The following CEP70 variants were observed in gnomAD, a reference collection of about 807,000 sequenced individuals.
CEP70 encodes the protein centrosomal protein of 70 kDa.
Under a neutral mutation model 90.9 loss-of-function variants are expected in CEP70, and 70 were observed. The observed-to-expected ratio is 0.77, with a 90% CI of 0.64 to 0.94. The LOEUF (loss-of-function observed/expected upper bound fraction) is 0.94. Ranked by LOEUF, CEP70 falls within the 40% of genes least tolerant of loss-of-function variation. The probability of loss-of-function intolerance (pLI) is 0.00; values close to 1 mark genes in which losing one functional copy is unlikely to be tolerated. For synonymous variants in CEP70, 220 were observed against 228.3 expected (o/e 0.96, Z 0.33); for missense variants, 648 against 669.0 (o/e 0.97, Z 0.35).
At chr3:138,531,339 A>C (rs1353125177) in intron 8 of CEP70, among the ~76,000 whole-genome samples, 2 of 152,062 alleles carry the variant, frequency 1.3e-5, no homozygotes, top group Non-Finnish European at 2.9e-5. Flanking sequence ...TGTTATGTTA[A>C]ATCTTTTCTA....
intron 2 of CEP70, among the ~76,000 whole-genome samples, chr3:138,577,023 G>C (rs2041573625): frequency 6.8e-6 from 1 of 148,054 alleles, no homozygotes; most frequent in African/African-American, 2.5e-5. Context: ...CCATTAAAAA[G>C]AATGAGTTCA....
chr3:138,572,082 G>A (rs1033665923), intron 3 of CEP70, among the ~76,000 whole-genome samples: 10 of 151,918 alleles, frequency 6.6e-5, no homozygotes, highest in Non-Finnish European at 1.5e-4. Flanking sequence ...CAGCCCCTAA[G>A]TATCACTTTC....
At chr3:138,581,451 C>T (rs1218501619) in intron 2 of CEP70, among the ~76,000 whole-genome samples, 2 of 151,802 alleles carry the variant, frequency 1.3e-5, no homozygotes, top group African/African-American at 4.8e-5. Context: ...TGCCTGTAAT[C>T]TCAGCACTTT....
At chr3:138,577,965 T>TC (rs1241597723) in intron 2 of CEP70, among the ~76,000 whole-genome samples, 6 of 152,220 alleles carry the variant, frequency 3.9e-5, no homozygotes, top group African/African-American at 1.4e-4. Flanking sequence ...CCTAGTTTTT[T>TC]CATCTCTGCA....
intron 6 of CEP70, among the ~76,000 whole-genome samples, chr3:138,563,176 C>A (rs1388778810): frequency 6.6e-6 from 1 of 152,152 alleles, no homozygotes; most frequent in African/African-American, 2.4e-5. Context: ...GCACCCAATA[C>A]AGGAGCACCC....
At chr3:138,580,439 A>G (rs373683234) in intron 2 of CEP70, among the ~76,000 whole-genome samples, 1 of 152,206 alleles carries the variant, frequency 6.6e-6, no homozygotes, top group Non-Finnish European at 1.5e-5. Flanking sequence ...TAAGTCTGCA[A>G]AAACCACAGC....
chr3:138,578,990 A>G (rs2041701886), intron 2 of CEP70, among the ~76,000 whole-genome samples: 1 of 152,218 alleles, frequency 6.6e-6, no homozygotes, highest in Admixed American at 6.5e-5. Context: ...TAGGAAAGAC[A>G]TTTATAAATT....
In CEP70 at chr3:138,570,351, T is replaced by G; in HGVS notation, c.432A>C (p.Ile144=). Residue 144 remains isoleucine, a synonymous_variant, in exon 6 of 18, where the codon ATA becomes ATC. Coordinates refer to ENST00000264982, the MANE Select transcript of CEP70 (RefSeq NM_024491.4). ...LSRACHQQNK[I]KDLQKEQKTL... ...TTTTCTGCTCCTTTTGAAGATCTTT[T>G]ATTTTATTCTGTTGGTGGCAAGCCC... The G allele has an allele frequency of 6.3e-7, 1 of 1,587,290 alleles. No homozygotes were observed.
At chr3:138,499,063 A>G (rs1371875550) in intron 16 of CEP70, among the ~76,000 whole-genome samples, 1 of 152,076 alleles carries the variant, frequency 6.6e-6, no homozygotes, top group Non-Finnish European at 1.5e-5. Flanking sequence ...AAAGAAAAGA[A>G]AAAAAGAAAA....
At chr3:138,540,459 G>A (rs1311699240) in intron 6 of CEP70, among the ~76,000 whole-genome samples, 15 of 148,222 alleles carry the variant, frequency 1.0e-4, no homozygotes, top group Non-Finnish European at 1.8e-4. Context: ...ACTCCAGCCT[G>A]GGCAACAGAG....
chr3:138,511,413 A>C (rs1459442977), intron 11 of CEP70, among the ~76,000 whole-genome samples: 1 of 152,240 alleles, frequency 6.6e-6, no homozygotes, highest in Admixed American at 6.5e-5. Context: ...GGACACAGAA[A>C]AGCTGATATG....
At chr3:138,495,125 G>T in intron 17 of CEP70, 49 bp from the exon 18 acceptor site, 1 of 1,120,910 alleles carries the variant, frequency 8.9e-7, no homozygotes, top group South Asian at 1.3e-5. Flanking sequence ...TTTTCTAGTG[G>T]TAAACTCACA....
chr3:138,504,475 T>C (rs2034801078), intron 13 of CEP70, among the ~76,000 whole-genome samples: 1 of 152,190 alleles, frequency 6.6e-6, no homozygotes, highest in African/African-American at 2.4e-5. Context: ...TCATGGAGCT[T>C]ATACATTCTT....
chr3:138,507,689 G>T (rs774693345), intron 12 of CEP70, among the ~76,000 whole-genome samples: 2 of 152,072 alleles, frequency 1.3e-5, no homozygotes, highest in Admixed American at 6.6e-5. Flanking sequence ...ATTCAGGTAC[G>T]AGTATAAATG....
intron 6 of CEP70, among the ~76,000 whole-genome samples, chr3:138,544,159 A>G (rs1295646613): frequency 1.3e-5 from 2 of 152,178 alleles, no homozygotes; most frequent in Non-Finnish European, 2.9e-5. Flanking sequence ...ATAACTTGTT[A>G]TATCTATAAA....
At chr3:138,527,518 C>T (rs1014402226) in intron 10 of CEP70, among the ~76,000 whole-genome samples, 3 of 151,412 alleles carry the variant, frequency 2.0e-5, no homozygotes, top group Non-Finnish European at 4.4e-5. Context: ...CATGGTGAAA[C>T]CCCATCTCTA....
At chr3:138,509,073 T>C (rs1367982695) in intron 11 of CEP70, among the ~76,000 whole-genome samples, 1 of 152,094 alleles carries the variant, frequency 6.6e-6, no homozygotes, top group East Asian at 1.9e-4. Context: ...ACTGGAAAAC[T>C]AGAAGGCCCT....
intron 2 of CEP70, among the ~76,000 whole-genome samples, chr3:138,576,850 C>G (rs926861906): frequency 5.3e-5 from 8 of 152,196 alleles, no homozygotes. Context: ...TCCTGAATGA[C>G]TACTGTGTAA....
intron 2 of CEP70, among the ~76,000 whole-genome samples, chr3:138,588,888 T>A (rs1560470915): frequency 6.6e-6 from 1 of 152,232 alleles, no homozygotes. Flanking sequence ...TTGGATGGAA[T>A]ACCCCTCAGC....
Sources: allele counts gnomAD v4.1 joint callset (sites outside exome capture counted in the v4.1 genomes callset), GRCh38; gene constraint gnomAD v4.1.1; transcripts MANE v1.5; gene names NCBI Gene and HGNC (gene_info 2026-07-23, HGNC 2026-07-21).